ZBTB20: variants seen among roughly 807,000 people sequenced by gnomAD.
The protein encoded by ZBTB20 is zinc finger and BTB domain containing 20.
In ZBTB20, 9 loss-of-function variants were observed where a neutral mutation model predicts 56.9. That is an observed-to-expected ratio of 0.16 (90% CI 0.10 to 0.28). The LOEUF (loss-of-function observed/expected upper bound fraction) is 0.28, where lower values mean the gene tolerates loss of function less well. Ranked by LOEUF, ZBTB20 falls within the 10% of genes least tolerant of loss-of-function variation. The pLI, the probability that ZBTB20 is intolerant of heterozygous loss-of-function variation, is 1.00. For missense variants in ZBTB20, 655 were observed against 1,003.0 expected (o/e 0.65, Z 4.69); for synonymous variants, 417 against 420.7 (o/e 0.99, Z 0.11).
chr3:114,474,671 T>C (rs2040541535), intron 7 of ZBTB20, among the ~76,000 whole-genome samples: 1 of 152,066 alleles, frequency 6.6e-6, no homozygotes, highest in South Asian at 2.1e-4. Context: ...TCCCAACCCT[T>C]CTCCTGCTTT....
chr3:114,991,717 C>T (rs2078818458), intron 2 of ZBTB20, among the ~76,000 whole-genome samples: 1 of 152,012 alleles, frequency 6.6e-6, no homozygotes, highest in Non-Finnish European at 1.5e-5. Flanking sequence ...TAAAGTCTCC[C>T]ATTATTATTA....
At chr3:114,916,099 T>C (rs976295489) in intron 3 of ZBTB20, among the ~76,000 whole-genome samples, 1 of 152,112 alleles carries the variant, frequency 6.6e-6, no homozygotes, top group Non-Finnish European at 1.5e-5. Context: ...GTCCAATGTT[T>C]CTTTGCTGAT....
chr3:114,360,640 T>C (rs1159721904), intron 10 of ZBTB20, among the ~76,000 whole-genome samples: 1 of 152,088 alleles, frequency 6.6e-6, no homozygotes, highest in South Asian at 2.1e-4. Context: ...CGTGAGCCAC[T>C]GTGCCCGGCC....
chr3:115,129,098 C>CAAA (rs910104429), intron 1 of ZBTB20, among the ~76,000 whole-genome samples: 1 of 140,782 alleles, frequency 7.1e-6, no homozygotes, highest in Non-Finnish European at 1.6e-5. Context: ...GACTCCGTCT[C>CAAA]AAAAAAAAAA....
At chr3:114,378,097 TA>T (rs534758211) in intron 10 of ZBTB20, among the ~76,000 whole-genome samples, 374 of 141,948 alleles carry the variant, frequency 2.6e-3, no homozygotes, top group South Asian at 7.7e-3. Flanking sequence ...CATTTGAAAG[TA>T]AAAAAAAAAA....
Position 114,335,644 on chromosome 3 carries a change from A to G in ZBTB20, c.*3361T>C, listed in dbSNP as rs949126297. 1 of 152,230 alleles carries G rather than the reference A, an allele frequency of 6.6e-6. No individual in the cohort carries two copies. The highest frequency in any genetic ancestry group is 1.5e-5 in the Non-Finnish European group (1 of 68,034). 9.4% of individuals were successfully genotyped at this position (152,230 alleles called of 1,614,324 possible). On this transcript the variant is annotated 3_prime_UTR_variant, in exon 12 of 12. Coordinates refer to ENST00000675478, the MANE Select transcript of ZBTB20 (RefSeq NM_001348800.3). ...CAATCCAGCTTCTTCCTCTTTCCAC[A>G]AAATAATTTGTCAACTATTTTAGAA...
At chr3:115,018,063 A>G (rs945832193) in intron 2 of ZBTB20, among the ~76,000 whole-genome samples, 1 of 151,448 alleles carries the variant, frequency 6.6e-6, no homozygotes, top group African/African-American at 2.4e-5. Context: ...AAAGTTGCAC[A>G]TTGAATCACT....
intron 1 of ZBTB20, among the ~76,000 whole-genome samples, chr3:115,099,520 T>C (rs532135918): frequency 6.6e-6 from 1 of 152,190 alleles, no homozygotes; most frequent in East Asian, 1.9e-4. Context: ...CCAGATGCAA[T>C]GTTTCTATGT....
At chr3:115,053,909 G>T (rs1040604128) in intron 2 of ZBTB20, among the ~76,000 whole-genome samples, 5 of 152,128 alleles carry the variant, frequency 3.3e-5, no homozygotes, top group Non-Finnish European at 5.9e-5. Flanking sequence ...TCTGTGGTTG[G>T]TTTATCATTA....
At chr3:114,915,249 C>T (rs2075699316) in intron 3 of ZBTB20, among the ~76,000 whole-genome samples, 1 of 151,822 alleles carries the variant, frequency 6.6e-6, no homozygotes. Context: ...CATCTCATTA[C>T]TTATTACTGG....
In ZBTB20 at chr3:114,981,590, C is replaced by T. The variant is rs535688404; in HGVS notation, c.-506-7174G>A. Among the ~76,000 whole-genome samples the T allele has an allele frequency of 9.9e-5, 15 of 151,872 alleles. No individual in the cohort carries two copies. In the South Asian group the frequency reaches 3.1e-3, roughly 32 times the overall value. On this transcript the variant is annotated intron_variant, in intron 2 of 11. Coordinates refer to ENST00000675478, the MANE Select transcript of ZBTB20 (RefSeq NM_001348800.3). ...GATAATAGCAAATACATGAGCAGTC[C>T]CCATATTCAGGTTCTGTTCAAAGCG... is the stretch of plus-strand genomic sequence containing the variant.
At chr3:114,737,851 A>G (rs1041370480) in intron 5 of ZBTB20, among the ~76,000 whole-genome samples, 2 of 152,148 alleles carry the variant, frequency 1.3e-5, no homozygotes, top group African/African-American at 2.4e-5. Context: ...TTATTTATAA[A>G]CCAGTATTAA....
intron 2 of ZBTB20, among the ~76,000 whole-genome samples, chr3:115,041,780 C>A (rs916955233): frequency 1.3e-5 from 2 of 152,100 alleles, no homozygotes; most frequent in African/African-American, 4.8e-5. Flanking sequence ...TATGGAGAAG[C>A]CATCTCTGCC....
At chr3:114,660,755 T>C (rs919324818) in intron 6 of ZBTB20, among the ~76,000 whole-genome samples, 6 of 152,142 alleles carry the variant, frequency 3.9e-5, no homozygotes, top group Admixed American at 2.6e-4. Context: ...AATCATTTAA[T>C]GAATAGGGAT....
At chr3:115,030,569 C>T (rs1385738935) in intron 2 of ZBTB20, among the ~76,000 whole-genome samples, 2 of 150,642 alleles carry the variant, frequency 1.3e-5, no homozygotes, top group Admixed American at 1.3e-4. Context: ...AAGATTATTC[C>T]AAAATGAAGC....
intron 6 of ZBTB20, among the ~76,000 whole-genome samples, chr3:114,500,978 G>A (rs1009535561): frequency 2.6e-5 from 4 of 152,166 alleles, no homozygotes; most frequent in Non-Finnish European, 2.9e-5. Context: ...TGACAAAGAT[G>A]AGTCAAACCC....
intron 3 of ZBTB20, among the ~76,000 whole-genome samples, chr3:114,926,384 G>A (rs1305790332): frequency 6.6e-6 from 1 of 152,110 alleles, no homozygotes; most frequent in Non-Finnish European, 1.5e-5. Context: ...TTTATTTTTG[G>A]TTTTTGTCCA....
At position 114,765,936 on chromosome 3, in the gene ZBTB20, C is replaced by T. The variant is rs1005418060; in HGVS notation, c.-343+35165G>A. Among the ~76,000 whole-genome samples the T allele has an allele frequency of 5.3e-5, 8 of 152,154 alleles. No homozygotes were observed. The South Asian group carries it at 1.7e-3, about 32-fold the overall frequency. ...CTACAGAACACGTCAAAGAAAGAGT[C>T]CCCAACCTCCAAGAAGCATTTTGAC... On this transcript the variant is annotated intron_variant, in intron 5 of 11. Coordinates refer to ENST00000675478, the MANE Select transcript of ZBTB20 (RefSeq NM_001348800.3).
chr3:115,124,722 G>A (rs923604455), intron 1 of ZBTB20, among the ~76,000 whole-genome samples: 14 of 151,906 alleles, frequency 9.2e-5, no homozygotes, highest in Admixed American at 4.6e-4. Context: ...GAGCTGGCAC[G>A]GCAAATCACT....
Sources: gnomAD v4.1 joint callset for allele counts (sites outside exome capture counted in the v4.1 genomes callset) on GRCh38, gnomAD v4.1.1 for gene constraint, MANE v1.5 for transcripts, NCBI Gene and HGNC (gene_info 2026-07-23, HGNC 2026-07-21) for gene names.